The following NPLOC4 variants were observed in gnomAD, a reference collection of about 807,000 sequenced individuals.
NPLOC4 encodes the protein nuclear protein localization protein 4 homolog.
A neutral mutation model predicts 80.6 loss-of-function variants in NPLOC4; 18 were observed. The observed-to-expected ratio is 0.22, with a 90% CI of 0.15 to 0.33. NPLOC4 has a LOEUF of 0.33. Ranked by LOEUF, NPLOC4 falls within the 10% of genes least tolerant of loss-of-function variation. NPLOC4 has a pLI of 1.00. For missense variants in NPLOC4, 540 were observed against 786.1 expected (o/e 0.69, Z 3.74); for synonymous variants, 313 against 301.5 (o/e 1.04, Z -0.39).
At position 81,616,320 on chromosome 17, in the gene NPLOC4, C is replaced by CAA. The variant is rs56118520; in HGVS notation, c.210-2828_210-2827dup. On this transcript the variant is annotated intron_variant, in intron 3 of 16. Coordinates refer to ENST00000331134, the MANE Select transcript of NPLOC4 (RefSeq NM_017921.4). ...TGGGCGACATAGCAAGACTCTGTCT[C>CAA]AAAAAAAAAAAAAAAAAAGAAAAGC... 1.5e-3 allele frequency among the ~76,000 whole-genome samples: 56 copies of CAA among 38,416 alleles called. 1 individual carries two copies. Among genetic ancestry groups the CAA allele is most frequent in the South Asian group, 3.3e-3 (3 of 916 alleles). 25.2% of individuals were successfully genotyped at this position (38,416 alleles called of 152,430 possible). A position where few individuals can be genotyped will look rare whatever the true frequency, so the allele number is the denominator to read the frequency against.
At chr17:81,621,236 G>A (rs1361554573) in intron 3 of NPLOC4, among the ~76,000 whole-genome samples, 1 of 152,168 alleles carries the variant, frequency 6.6e-6, no homozygotes, top group East Asian at 1.9e-4. Flanking sequence ...AAGAGGTTTC[G>A]TTTCACCTCA....
intron 3 of NPLOC4, among the ~76,000 whole-genome samples, chr17:81,616,345 C>CAAAA (rs1598672426): frequency 7.3e-6 from 1 of 137,654 alleles, no homozygotes; most frequent in Non-Finnish European, 1.5e-5. Flanking sequence ...AAAAGAAAAG[C>CAAAA]AAAGCTGCTA....
chr17:81,583,996 G>A (rs1344114734), intron 12 of NPLOC4, among the ~76,000 whole-genome samples: 3 of 152,156 alleles, frequency 2.0e-5, no homozygotes, highest in African/African-American at 7.2e-5. Flanking sequence ...GTAACCACAT[G>A]CTATCCCAGA....
chr17:81,583,391 A>C (rs146357057), intron 12 of NPLOC4, among the ~76,000 whole-genome samples: 1,813 of 152,380 alleles, frequency 0.012, 17 homozygotes, highest in Non-Finnish European at 0.019. Context: ...TGAAGTTAAA[A>C]GAATAGAAAA....
intron 2 of NPLOC4, among the ~76,000 whole-genome samples, chr17:81,626,667 T>C (rs939363740): frequency 6.6e-6 from 1 of 152,114 alleles, no homozygotes; most frequent in Non-Finnish European, 1.5e-5. Context: ...ACCCCATCTC[T>C]ACCAAAAAAT....
intron 3 of NPLOC4, among the ~76,000 whole-genome samples, chr17:81,617,183 G>T (rs760444952): frequency 7.2e-5 from 11 of 152,216 alleles, no homozygotes; most frequent in Non-Finnish European, 2.9e-5. Context: ...TGGCAGCAGA[G>T]CAGAAACTAG....
chr17:81,589,198 C>A (rs1186888506), intron 11 of NPLOC4, 94 bp from the exon 12 acceptor site: 15 of 1,143,898 alleles, frequency 1.3e-5, no homozygotes, highest in Non-Finnish European at 1.5e-5. Context: ...ACAGAAAAAA[C>A]AAACCCTCAA....
intron 7 of NPLOC4, among the ~76,000 whole-genome samples, chr17:81,605,722 G>A (rs1568148733): frequency 6.6e-6 from 1 of 151,984 alleles, no homozygotes; most frequent in Non-Finnish European, 1.5e-5. Flanking sequence ...ATAGGAGGAT[G>A]GAGATGGGTT....
At chr17:81,602,980 TAC>T (rs150613321) in intron 8 of NPLOC4, among the ~76,000 whole-genome samples, 10,175 of 144,902 alleles carry the variant, frequency 0.07, 475 homozygotes, top group African/African-American at 0.13. Context: ...TATACACAAA[TAC>T]ACACACACAC....
chr17:81,576,041 A>G (rs925384786), intron 12 of NPLOC4, among the ~76,000 whole-genome samples: 1 of 152,242 alleles, frequency 6.6e-6, no homozygotes, highest in Admixed American at 6.5e-5. Context: ...CAGTTTGGTA[A>G]CAACAAAGGA....
At chr17:81,636,065 C>T (rs1281803935) in intron 1 of NPLOC4, among the ~76,000 whole-genome samples, 9 of 152,040 alleles carry the variant, frequency 5.9e-5, no homozygotes, top group Admixed American at 5.9e-4. Context: ...CTCCACCTCC[C>T]GCGTTCAAGC....
At chr17:81,607,358 T>C in intron 6 of NPLOC4, among the ~76,000 whole-genome samples, 1 of 151,958 alleles carries the variant, frequency 6.6e-6, no homozygotes, top group Non-Finnish European at 1.5e-5. Context: ...CTCTGAACTT[T>C]TTCTTTTTCT....
intron 6 of NPLOC4, 117 bp downstream of exon 6, chr17:81,608,611 C>T (rs1054909768): frequency 3.6e-5 from 25 of 698,240 alleles, no homozygotes; most frequent in East Asian, 1.4e-4. Context: ...CTTTCAAAGG[C>T]GTGTGACCCC....
chr17:81,565,272 C>T (rs778951561), intron 16 of NPLOC4: 1 of 689,400 alleles, frequency 1.5e-6, no homozygotes. Context: ...ATAAAATTTA[C>T]AGGGCTGTGT....
At chr17:81,578,082 T>G (rs2034348445) in intron 12 of NPLOC4, among the ~76,000 whole-genome samples, 1 of 152,200 alleles carries the variant, frequency 6.6e-6, no homozygotes, top group Non-Finnish European at 1.5e-5. Flanking sequence ...CTCAGGCTAC[T>G]GGCATCCAAT....
At chr17:81,608,496 A>C (rs1342871728) in intron 6 of NPLOC4, among the ~76,000 whole-genome samples, 1 of 152,182 alleles carries the variant, frequency 6.6e-6, no homozygotes, top group Non-Finnish European at 1.5e-5. Flanking sequence ...GGATCACTTG[A>C]GCCAAGGAGT....
At chr17:81,559,703 G>A (rs887269657) in intron 16 of NPLOC4, among the ~76,000 whole-genome samples, 1 of 151,026 alleles carries the variant, frequency 6.6e-6, no homozygotes, top group Non-Finnish European at 1.5e-5. Flanking sequence ...CTCCCCGGGG[G>A]ATGTGCATTT....
intron 11 of NPLOC4, among the ~76,000 whole-genome samples, chr17:81,594,711 C>G (rs375006840): frequency 7.6e-4 from 116 of 152,048 alleles, no homozygotes; most frequent in African/African-American, 2.7e-3. Context: ...GGAGGTGGAA[C>G]CTGCAGGGAG....
At chr17:81,631,329 T>C (rs1363512987) in intron 1 of NPLOC4, among the ~76,000 whole-genome samples, 1 of 150,788 alleles carries the variant, frequency 6.6e-6, no homozygotes, top group African/African-American at 2.4e-5. Flanking sequence ...AAGATCTCTT[T>C]AGCCTAGGAA....
Sources: gnomAD v4.1 joint callset for allele counts (sites outside exome capture counted in the v4.1 genomes callset) on GRCh38, gnomAD v4.1.1 for gene constraint, MANE v1.5 for transcripts, NCBI Gene and HGNC (gene_info 2026-07-23, HGNC 2026-07-21) for gene names.